Variants in KIAA2012 observed in about 807,000 individuals in gnomAD.
KIAA2012 encodes uncharacterized protein KIAA2012.
In KIAA2012, 125 loss-of-function variants were observed where a neutral mutation model predicts 150.6. That is an observed-to-expected ratio of 0.83 (90% CI 0.72 to 0.96). KIAA2012 has a LOEUF of 0.96. Among genes scored for constraint, KIAA2012 ranks in the 40% least tolerant of loss-of-function variants. The probability of loss-of-function intolerance (pLI) is 0.00; values close to 1 mark genes in which losing one functional copy is unlikely to be tolerated. For missense variants in KIAA2012, 1,219 were observed against 1,354.9 expected, an observed-to-expected ratio of 0.90 and a Z score of 1.57; for synonymous variants, 462 against 504.7, an observed-to-expected ratio of 0.92 and a Z score of 1.13.
chr2:202,164,016 TAGTTGTCTCTTCTCAAAGC>T (rs1433494654), intron 14 of KIAA2012, among the ~76,000 whole-genome samples: 3 of 151,678 alleles, frequency 2.0e-5, no homozygotes, highest in Non-Finnish European at 4.4e-5. Context: ...AGCAGATAAT[TAGTTGTCTCTTCTCAAAGC>T]AGGATGCAGC....
intron 12 of KIAA2012, among the ~76,000 whole-genome samples, chr2:202,127,177 C>CT (rs940161184): frequency 1.3e-5 from 2 of 152,134 alleles, no homozygotes; most frequent in Non-Finnish European, 2.9e-5. Context: ...CAAGATAAGC[C>CT]TGTTTACCGG....
intron 15 of KIAA2012, among the ~76,000 whole-genome samples, chr2:202,176,003 T>C (rs1003061830): frequency 2.0e-5 from 3 of 152,210 alleles, no homozygotes; most frequent in African/African-American, 7.2e-5. Context: ...TTATTCACTA[T>C]ATAATTTTGA....
intron 19 of KIAA2012, among the ~76,000 whole-genome samples, chr2:202,191,134 A>G (rs959782456): frequency 6.6e-6 from 1 of 152,176 alleles, no homozygotes; most frequent in Non-Finnish European, 1.5e-5. Context: ...AAAATTAGCC[A>G]GGCACAGTGG....
chr2:202,185,841 C>T (rs1349163077), intron 16 of KIAA2012, among the ~76,000 whole-genome samples: 1 of 152,094 alleles, frequency 6.6e-6, no homozygotes, highest in African/African-American at 2.4e-5. Flanking sequence ...CTAAAGGAGA[C>T]TTCTCGTATA....
At chr2:202,092,668 A>C (rs899133415) in intron 3 of KIAA2012, among the ~76,000 whole-genome samples, 2 of 152,128 alleles carry the variant, frequency 1.3e-5, no homozygotes, top group Non-Finnish European at 2.9e-5. Context: ...GCTGCTGATC[A>C]TGGGGCCTAC....
chr2:202,148,638 CG>C, intron 13 of KIAA2012, among the ~76,000 whole-genome samples: 1 of 152,276 alleles, frequency 6.6e-6, no homozygotes, highest in African/African-American at 2.4e-5. Flanking sequence ...CGCTGTGGCT[CG>C]GGGGTTCTGC....
At chr2:202,200,707 C>CTTTTTTTTTTTTT in intron 22 of KIAA2012, among the ~76,000 whole-genome samples, 1 of 124,270 alleles carries the variant, frequency 8.0e-6, no homozygotes, top group Non-Finnish European at 1.6e-5. Context: ...AATTTTGGAA[C>CTTTTTTTTTTTTT]TTTTTTTTTT....
chr2:202,123,667 T>C (rs1354579332), intron 11 of KIAA2012, among the ~76,000 whole-genome samples: 1 of 152,210 alleles, frequency 6.6e-6, no homozygotes, highest in Non-Finnish European at 1.5e-5. Flanking sequence ...TATTTGTTAT[T>C]GGTAATGAGA....
intron 15 of KIAA2012, among the ~76,000 whole-genome samples, chr2:202,177,431 G>A (rs1384967388): frequency 1.3e-5 from 2 of 152,140 alleles, no homozygotes; most frequent in African/African-American, 4.8e-5. Context: ...AATTTATGAA[G>A]AACAGAACAG....
chr2:202,102,195 C>T (rs1690060793), intron 7 of KIAA2012, among the ~76,000 whole-genome samples: 1 of 151,888 alleles, frequency 6.6e-6, no homozygotes, highest in Non-Finnish European at 1.5e-5. Context: ...TACACGCACA[C>T]ACACACACAC....
At chr2:202,127,217 A>G (rs1038422085) in intron 12 of KIAA2012, among the ~76,000 whole-genome samples, 2 of 152,218 alleles carry the variant, frequency 1.3e-5, no homozygotes, top group African/African-American at 4.8e-5. Flanking sequence ...TATTCTTTCT[A>G]ATAGCACCTA....
intron 13 of KIAA2012, among the ~76,000 whole-genome samples, chr2:202,152,115 C>T (rs1691440563): frequency 6.6e-6 from 1 of 152,136 alleles, no homozygotes; most frequent in Admixed American, 6.5e-5. Flanking sequence ...TTTCTTCTCC[C>T]ATCACTACCT....
At chr2:202,122,287 TGCAAAATCA>T (rs1690670520) in intron 11 of KIAA2012, among the ~76,000 whole-genome samples, 1 of 152,160 alleles carries the variant, frequency 6.6e-6, no homozygotes, top group Non-Finnish European at 1.5e-5. Context: ...CTCAGGCTAC[TGCAAAATCA>T]GCCAGACAAC....
chr2:202,155,393 G>A (rs569133883), intron 14 of KIAA2012, among the ~76,000 whole-genome samples: 2 of 152,078 alleles, frequency 1.3e-5, no homozygotes, highest in Non-Finnish European at 2.9e-5. Context: ...CACAGTGCCC[G>A]ACACATGGAA....
intron 15 of KIAA2012, chr2:202,179,327 A>G (rs1692068656): frequency 6.0e-6 from 7 of 1,169,036 alleles, no homozygotes; most frequent in East Asian, 2.7e-5. Flanking sequence ...TTCGCTGACT[A>G]CATTCAGCCC....
chr2:202,146,624 T>G, intron 13 of KIAA2012, among the ~76,000 whole-genome samples: 1 of 89,576 alleles, frequency 1.1e-5, no homozygotes, highest in Middle Eastern at 7.5e-3. Flanking sequence ...AGAGCAAGAC[T>G]CCATCTCAAA....
At chr2:202,169,422 CACCAGCCAGA>C (rs1392962114) in intron 15 of KIAA2012, among the ~76,000 whole-genome samples, 2 of 152,260 alleles carry the variant, frequency 1.3e-5, no homozygotes, top group African/African-American at 4.8e-5. Flanking sequence ...AACCTACAGC[CACCAGCCAGA>C]ACCTGCACCT....
chr2:202,203,208 T>C (rs953800042), intron 23 of KIAA2012, among the ~76,000 whole-genome samples: 3 of 152,190 alleles, frequency 2.0e-5, no homozygotes, highest in African/African-American at 4.8e-5. Context: ...AAGTATTTCA[T>C]TTCAGTCAAT....
chr2:202,162,906 G>T (rs1284793101), intron 14 of KIAA2012, among the ~76,000 whole-genome samples: 6 of 135,894 alleles, frequency 4.4e-5, no homozygotes, highest in Middle Eastern at 4.4e-3. Context: ...CTCCAGCCTG[G>T]CAACAGAGCG....
Sources: gnomAD v4.1 joint callset for allele counts (sites outside exome capture counted in the v4.1 genomes callset) on GRCh38, gnomAD v4.1.1 for gene constraint, MANE v1.5 for transcripts, NCBI Gene and HGNC (gene_info 2026-07-23, HGNC 2026-07-21) for gene names.